OTOF: variants seen among roughly 807,000 people sequenced by gnomAD.
The protein encoded by OTOF is fer-1-like family member 2.
Under a neutral mutation model 236.8 loss-of-function variants are expected in OTOF, and 218 were observed. The observed-to-expected ratio is 0.92, with a 90% confidence interval of 0.82 to 1.03. The LOEUF is 1.03. Among genes scored for constraint, OTOF ranks in the 50% least tolerant of loss-of-function variants. OTOF has a pLI of 0.00. For synonymous variants in OTOF, 1,041 were observed against 1,072.5 expected (o/e 0.97, Z 0.57); for missense variants, 2,590 against 2,694.4 (o/e 0.96, Z 0.86).
At position 26,464,181 on chromosome 2, in the gene OTOF, G is replaced by A. The variant is rs755337856; in HGVS notation, c.4961-75C>T. The A allele has an allele frequency of 4.9e-4, 774 of 1,574,212 alleles. 2 individuals are homozygous for A. Among genetic ancestry groups the A allele is most frequent in the Non-Finnish European group, 6.4e-4 (741 of 1,152,580 alleles). On this transcript the variant is annotated intron_variant, in intron 39 of 46. Coordinates refer to ENST00000272371, the MANE Select transcript of OTOF (RefSeq NM_194248.3). ...GACCTTTGCTGGGACTAGGGACTTA[G>A]GAGCACAAAGAAGCCTCTATGCCAT...
rs1666858521 is a variant in OTOF at position 26,528,251 on chromosome 2, T to C, written c.139-331A>G. 2.6e-5 allele frequency among the ~76,000 whole-genome samples: 4 copies of C among 152,156 alleles called. No homozygotes were observed. The South Asian group carries it at 8.3e-4, about 32-fold the overall frequency. ...GCTGCTTCCATGGCCTCCCAGCTCC[T>C]GAGGGGGGTTGGGAGAGGGTGGTGC... On this transcript the variant is annotated intron_variant, in intron 2 of 46. Transcript: ENST00000272371.
In OTOF at chr2:26,502,300, C is replaced by T. The variant is rs762892784; in HGVS notation, c.710G>A (p.Arg237Gln). The T allele has an allele frequency of 2.4e-5, 39 of 1,613,936 alleles. No individual in the cohort carries two copies. In the Admixed American group the frequency reaches 3.0e-4, roughly 12 times the overall value. The change falls in exon 7 of 47, where the codon CGA (arginine) becomes CAA (glutamine). Residue 237 changes from arginine to glutamine, a missense_variant and splice_region_variant. Arg to Gln is a conservative substitution (Grantham distance 43, BLOSUM62 1). Transcript: ENST00000272371. ...GGTTGCAGGGCTCCCGTCCACTCAC[C>T]GCTTGTTGGAGACATTAGTGGTGAG... is the stretch of plus-strand genomic sequence containing the variant. ...TALTTNVSNK[R>Q]SKPDIKMEPS... is the part of the protein sequence containing the mutation.
chr2:26,532,619 G>C (rs1666977161), intron 2 of OTOF, among the ~76,000 whole-genome samples: 1 of 152,182 alleles, frequency 6.6e-6, no homozygotes, highest in Non-Finnish European at 1.5e-5. Context: ...TAGGACTGTT[G>C]ACAGAAGCAA....
At chr2:26,495,886 C>T (rs902204395) in intron 8 of OTOF, among the ~76,000 whole-genome samples, 6 of 152,230 alleles carry the variant, frequency 3.9e-5, no homozygotes, top group Non-Finnish European at 5.9e-5. Flanking sequence ...CATTTAATTT[C>T]CTGCTCCAGG....
intron 1 of OTOF, among the ~76,000 whole-genome samples, chr2:26,544,965 C>T (rs575285314): frequency 5.3e-5 from 8 of 151,700 alleles, no homozygotes; most frequent in Non-Finnish European, 1.0e-4. Flanking sequence ...CGCTTGAACC[C>T]GGGAGGCAAA....
chr2:26,530,520 C>T (rs1666919234), intron 2 of OTOF, among the ~76,000 whole-genome samples: 1 of 152,138 alleles, frequency 6.6e-6, no homozygotes, highest in African/African-American at 2.4e-5. Flanking sequence ...AAGACAGGGT[C>T]CTCACTGAGT....
chr2:26,539,013 A>G lies in OTOF; in HGVS notation c.80-1239T>C, dbSNP rs573019543. Among the ~76,000 whole-genome samples, 183 of 152,136 alleles carry G rather than the reference A, an allele frequency of 1.2e-3. 1 individual carries two copies. Among genetic ancestry groups the G allele is most frequent in the African/African-American group, 4.2e-3 (174 of 41,512 alleles). The stretch of plus-strand genomic sequence containing the variant: ...TTTTTAGTAGAGACGGGGTTTCACC[A>G]TGTTGGCCAGGCTCGTCTGGAACTC... On this transcript the variant is annotated intron_variant, in intron 1 of 46. Transcript: ENST00000272371.
intron 1 of OTOF, among the ~76,000 whole-genome samples, chr2:26,554,355 C>G (rs1156608116): frequency 6.6e-6 from 1 of 151,844 alleles, no homozygotes; most frequent in African/African-American, 2.4e-5. Flanking sequence ...GGAAATGGAG[C>G]CAAAGAGTGA....
At chr2:26,503,480 A>G (rs1666170502) in intron 6 of OTOF, among the ~76,000 whole-genome samples, 1 of 152,230 alleles carries the variant, frequency 6.6e-6, no homozygotes, top group Non-Finnish European at 1.5e-5. Flanking sequence ...TTCTTGATGG[A>G]TATTCTCTGC....
chr2:26,460,669 G>GT lies in OTOF; in HGVS notation c.5790dup (p.Pro1931ThrfsTer2). On this transcript the variant is annotated frameshift_variant, in exon 45 of 47. Coordinates refer to ENST00000272371, the MANE Select transcript of OTOF (RefSeq NM_194248.3). LOFTEE classifies it high-confidence loss of function. This position sits in a 1 kb window ranked among gnomAD's most constrained non-coding sequence, Gnocchi z 5.3. ...CACTTGGGTTTCTCTAGGGGGTCAG[G>GT]TTCATTGCGGGCCAGGCCCACTGGG... 6.2e-7 allele frequency: 1 copy of GT among 1,614,068 alleles called. No homozygotes were observed. Among genetic ancestry groups the GT allele is most frequent in the South Asian group, 1.1e-5 (1 of 91,080 alleles).
intron 1 of OTOF, among the ~76,000 whole-genome samples, chr2:26,540,174 C>G (rs1667177914): frequency 1.3e-5 from 2 of 152,206 alleles, no homozygotes; most frequent in Middle Eastern, 3.2e-3. Flanking sequence ...CTCAAGTGAT[C>G]TCCCACCTCG....
In OTOF at chr2:26,464,564, C is replaced by T. The variant is rs1312492641; in HGVS notation, c.4960+305G>A. 3.3e-5 allele frequency among the ~76,000 whole-genome samples: 5 copies of T among 152,250 alleles called. No homozygotes were observed. The Middle Eastern group carries it at 0.01, about 311-fold the overall frequency. On this transcript the variant is annotated intron_variant, in intron 39 of 46. Transcript: ENST00000272371. ...CTCTAAAGAGCCACATGACCTTGGG[C>T]GAGTCACTAGAAGTAGGATCTTGGT...
At chr2:26,491,667 C>T (rs185322582) in intron 9 of OTOF, among the ~76,000 whole-genome samples, 160 of 152,216 alleles carry the variant, frequency 1.1e-3, no homozygotes, top group African/African-American at 3.2e-3. Context: ...ATGCCCAGGG[C>T]GGGGCCAGAT....
Position 26,489,256 on chromosome 2 carries a change from C to T in OTOF, c.1000G>A (p.Val334Met). 6.2e-7 allele frequency: 1 copy of T among 1,613,120 alleles called. No individual in the cohort carries two copies. The highest frequency in any genetic ancestry group is 8.5e-7 in the Non-Finnish European group (1 of 1,179,828). ...CCCACGTCCATTTTGAAGGAGCCCA[C>T]CAGGGTGCCACTGCGCAGCAGGTTC... ...SKNLLRSGTL[V>M]GSFKMDVGTV... Residue 334 changes from valine (V) to methionine (M), a missense_variant, in exon 11 of 47, where the codon GTG (valine) becomes ATG (methionine). Val to Met is a conservative substitution (Grantham distance 21, BLOSUM62 1). Around this residue, in one of 2 missense-constraint regions of OTOF, gnomAD observed 1,379 missense variants for 1,341.6 expected, o/e 1.03. Transcript: ENST00000272371.
intron 2 of OTOF, among the ~76,000 whole-genome samples, chr2:26,529,874 G>C (rs1019731134): frequency 1.5e-5 from 1 of 67,386 alleles, no homozygotes; most frequent in Non-Finnish European, 5.5e-5. Context: ...GGAGGGGTGC[G>C]CTGAGAGTCC....
intron 10 of OTOF, 130 bp from the exon 11 acceptor site, chr2:26,489,425 C>A: frequency 1.3e-6 from 1 of 764,158 alleles, no homozygotes; most frequent in Non-Finnish European, 2.3e-6. Context: ...CACTGAGGCT[C>A]AGCATCAGCT....
intron 5 of OTOF, among the ~76,000 whole-genome samples, chr2:26,509,201 G>A (rs544961191): frequency 6.6e-6 from 1 of 152,318 alleles, no homozygotes; most frequent in East Asian, 1.9e-4. Context: ...CAGGCTGCTT[G>A]TATCTCATTC....
At chr2:26,551,462 C>T (rs1667461032) in intron 1 of OTOF, among the ~76,000 whole-genome samples, 1 of 152,218 alleles carries the variant, frequency 6.6e-6, no homozygotes, top group African/African-American at 2.4e-5. Context: ...CCTCAGTCTT[C>T]CCCTAACTGA....
chr2:26,493,339 A>C (rs1185669155), intron 9 of OTOF, among the ~76,000 whole-genome samples: 1 of 152,124 alleles, frequency 6.6e-6, no homozygotes, highest in African/African-American at 2.4e-5. Flanking sequence ...GCCCTCCCCC[A>C]AGCTACAGGG....
Sources: allele counts gnomAD v4.1 joint callset (sites outside exome capture counted in the v4.1 genomes callset), GRCh38; gene constraint gnomAD v4.1.1; regional missense constraint gnomAD v4.1.1; non-coding constraint Gnocchi (gnomAD v3.1); transcripts MANE v1.5; gene names NCBI Gene and HGNC (gene_info 2026-07-23, HGNC 2026-07-21).